FMN2: variants seen among roughly 807,000 people sequenced by gnomAD.
FMN2 encodes formin 2, also known as formin-2.
A neutral mutation model predicts 142.3 loss-of-function variants in FMN2; 51 were observed. That is an observed-to-expected ratio of 0.36 (90% confidence interval 0.29 to 0.45). FMN2 has a LOEUF of 0.45. FMN2 is among the 20% of genes least tolerant of loss of function. The pLI is 1.00. For missense variants in FMN2, 1,936 were observed against 2,122.8 expected, an observed-to-expected ratio of 0.91 and a Z score of 1.73; for synonymous variants, 882 against 869.8, an observed-to-expected ratio of 1.01 and a Z score of -0.25.
At chr1:240,146,355 C>T (rs1472797341) in intron 2 of FMN2, among the ~76,000 whole-genome samples, 30 of 146,116 alleles carry the variant, frequency 2.1e-4, no homozygotes, top group Non-Finnish European at 1.2e-4. Context: ...GATTGTGCCA[C>T]TGCACTCCAG....
intron 15 of FMN2, among the ~76,000 whole-genome samples, chr1:240,413,120 C>CTCAAA (rs1259612812): frequency 8.1e-5 from 2 of 24,566 alleles, no homozygotes; most frequent in African/African-American, 2.3e-4. Context: ...GAGACTCTGT[C>CTCAAA]AAAAAAAAAA....
intron 16 of FMN2, among the ~76,000 whole-genome samples, chr1:240,443,625 T>C (rs563067928): frequency 8.5e-5 from 13 of 152,216 alleles, no homozygotes; most frequent in African/African-American, 2.4e-4. Flanking sequence ...TGTTGGTGCA[T>C]GCCTGTAATC....
intron 6 of FMN2, among the ~76,000 whole-genome samples, chr1:240,251,864 G>A (rs1228962406): frequency 6.6e-6 from 1 of 152,124 alleles, no homozygotes; most frequent in Non-Finnish European, 1.5e-5. Context: ...ATATGTAAGG[G>A]CAAATTCAAG....
chr1:240,290,780 G>GTTTTTTGTTTTTTTTTTTTTTTT (rs1333094360), intron 7 of FMN2, among the ~76,000 whole-genome samples: 1 of 100,196 alleles, frequency 1.0e-5, no homozygotes. Context: ...TGTTTGTTTG[G>GTTTTTTGTTTTTTTTTTTTTTTT]TTTTTTTTTT....
chr1:240,271,192 C>T (rs562458759), intron 7 of FMN2, among the ~76,000 whole-genome samples: 4 of 140,538 alleles, frequency 2.8e-5, no homozygotes, highest in African/African-American at 8.0e-5. Flanking sequence ...GCCACTGAAT[C>T]ATGGTTTTCT....
chr1:240,390,553 T>TAA (rs1237527179), intron 14 of FMN2, among the ~76,000 whole-genome samples: 1 of 152,230 alleles, frequency 6.6e-6, no homozygotes, highest in Non-Finnish European at 1.5e-5. Flanking sequence ...TTATTGAATA[T>TAA]AACATTGGAA....
chr1:240,316,515 A>G (rs952698862), intron 8 of FMN2, among the ~76,000 whole-genome samples: 2 of 152,112 alleles, frequency 1.3e-5, no homozygotes, highest in African/African-American at 4.8e-5. Flanking sequence ...GCTGTGGGGT[A>G]GCAATGAGAG....
chr1:240,278,280 C>T (rs1242667814), intron 7 of FMN2, among the ~76,000 whole-genome samples: 1 of 152,146 alleles, frequency 6.6e-6, no homozygotes, highest in Non-Finnish European at 1.5e-5. Context: ...ATTCCCATCA[C>T]CTGCTGCACA....
chr1:240,280,469 G>A lies in FMN2; in HGVS notation c.4154-14353G>A, dbSNP rs375838704. 6.7e-4 allele frequency among the ~76,000 whole-genome samples: 102 copies of A among 152,236 alleles called. 1 individual carries two copies. The highest frequency in any genetic ancestry group is 2.4e-3 in the African/African-American group (100 of 41,550). ...TATATATGCTTACATTCAAAATAAA[G>A]TTTATCACTGTGCCCCTTTTAGAGC... On this transcript the variant is annotated intron_variant, in intron 7 of 17. Coordinates refer to ENST00000319653, the MANE Select transcript of FMN2 (RefSeq NM_020066.5).
intron 8 of FMN2, among the ~76,000 whole-genome samples, chr1:240,305,303 T>G (rs1670347142): frequency 6.6e-6 from 1 of 152,220 alleles, no homozygotes; most frequent in Admixed American, 6.5e-5. Context: ...TTAAATGAGC[T>G]TATTACTCTC....
intron 13 of FMN2, among the ~76,000 whole-genome samples, chr1:240,339,604 A>C (rs933093377): frequency 1.3e-5 from 2 of 152,280 alleles, no homozygotes; most frequent in Non-Finnish European, 2.9e-5. Flanking sequence ...TTTTAAAATT[A>C]ATATCTGTTT....
chr1:240,328,165 A>G (rs561292287), intron 8 of FMN2, among the ~76,000 whole-genome samples: 45 of 149,470 alleles, frequency 3.0e-4, no homozygotes, highest in South Asian at 6.3e-4. Context: ...AAAAAAAAAA[A>G]AAAAAAAGAA....
intron 6 of FMN2, among the ~76,000 whole-genome samples, chr1:240,226,383 C>T (rs1667300432): frequency 6.6e-6 from 1 of 152,166 alleles, no homozygotes; most frequent in South Asian, 2.1e-4. Flanking sequence ...AGTAGGATGA[C>T]ATTCAAAGTA....
intron 2 of FMN2, among the ~76,000 whole-genome samples, chr1:240,147,870 T>C (rs1339347977): frequency 6.6e-6 from 1 of 152,196 alleles, no homozygotes; most frequent in African/African-American, 2.4e-5. Context: ...AAAGTCTGAT[T>C]GACTAGATCT....
rs557493151 is a variant in FMN2, at chr1:240,297,044, G to A, written c.4215+2161G>A. Among the ~76,000 whole-genome samples, 7 of 152,244 alleles carry A rather than the reference G, an allele frequency of 4.6e-5. No individual in the cohort carries two copies. The South Asian group carries it at 1.0e-3, about 23-fold the overall frequency. On this transcript the variant is annotated intron_variant, in intron 8 of 17. Coordinates refer to ENST00000319653, the MANE Select transcript of FMN2 (RefSeq NM_020066.5). ...CTCTTCCAACCAGGAGGGCCATATG[G>A]AAGAAAGGAGGAAATACTAGAGGAA...
intron 13 of FMN2, among the ~76,000 whole-genome samples, chr1:240,336,582 A>AAAAAAAAAG (rs144682452): frequency 0.01 from 1,042 of 101,808 alleles, 191 homozygotes; most frequent in Middle Eastern, 0.022. Context: ...AAAAAAAAAA[A>AAAAAAAAAG]GGTGGTTGCA....
chr1:240,279,046 G>C (rs954405024), intron 7 of FMN2, among the ~76,000 whole-genome samples: 1 of 152,110 alleles, frequency 6.6e-6, no homozygotes. Flanking sequence ...TTGGGCAGTG[G>C]GGGAAGAGAA....
intron 15 of FMN2, among the ~76,000 whole-genome samples, chr1:240,401,901 C>A (rs542614827): frequency 5.6e-4 from 86 of 152,296 alleles, no homozygotes; most frequent in Non-Finnish European, 8.8e-4. Flanking sequence ...TCCCCAAGTT[C>A]CCGGGCCTCC....
At chr1:240,454,207 C>T (rs1676152853) in intron 16 of FMN2, among the ~76,000 whole-genome samples, 1 of 152,100 alleles carries the variant, frequency 6.6e-6, no homozygotes, top group African/African-American at 2.4e-5. Flanking sequence ...TTTGTCTCCA[C>T]CAAATCAACT....
Sources: allele counts gnomAD v4.1 joint callset (sites outside exome capture counted in the v4.1 genomes callset), GRCh38; gene constraint gnomAD v4.1.1; transcripts MANE v1.5; gene names NCBI Gene and HGNC (gene_info 2026-07-23, HGNC 2026-07-21).